GALNT1: variants seen among roughly 807,000 people sequenced by gnomAD.
GALNT1 encodes polypeptide N-acetylgalactosaminyltransferase 1.
In GALNT1, 17 loss-of-function variants were observed where a neutral mutation model predicts 65.7. The observed-to-expected ratio is 0.26, with a 90% CI of 0.18 to 0.39. The LOEUF (loss-of-function observed/expected upper bound fraction) is 0.39. Among genes scored for constraint, GALNT1 ranks in the 10% least tolerant of loss-of-function variants. The pLI is 1.00. For synonymous variants in GALNT1, 210 were observed against 219.7 expected (o/e 0.96, Z 0.39); for missense variants, 460 against 672.8 (o/e 0.68, Z 3.50).
At chr18:35,698,525 T>C (rs2048099914) in intron 9 of GALNT1, among the ~76,000 whole-genome samples, 1 of 152,058 alleles carries the variant, frequency 6.6e-6, no homozygotes, top group Non-Finnish European at 1.5e-5. Flanking sequence ...GTAAATAGAA[T>C]TTAAAGCCTG....
chr18:35,595,193 A>G (rs1048199187), intron 1 of GALNT1, among the ~76,000 whole-genome samples: 2 of 152,218 alleles, frequency 1.3e-5, no homozygotes, highest in African/African-American at 4.8e-5. Context: ...TTAATATATA[A>G]CAAAAAAGTA....
At chr18:35,645,076 A>G (rs968056325) in intron 1 of GALNT1, among the ~76,000 whole-genome samples, 2 of 152,114 alleles carry the variant, frequency 1.3e-5, no homozygotes, top group Non-Finnish European at 2.9e-5. Flanking sequence ...AATTATATTG[A>G]ATTTATAGAT....
chr18:35,581,477 C>G (rs1164875562), upstream of GALNT1, among the ~76,000 whole-genome samples: 1 of 145,748 alleles, frequency 6.9e-6, no homozygotes, highest in Non-Finnish European at 1.5e-5. Context: ...CCGCACGGGC[C>G]GCCGCCGCCG....
Position 35,583,544 on chromosome 18 carries a change from A to G in GALNT1, c.-104+1682A>G, listed in dbSNP as rs546909525. 2.6e-5 allele frequency among the ~76,000 whole-genome samples: 4 copies of G among 152,318 alleles called. No individual in the cohort carries two copies. In the East Asian group the frequency reaches 7.7e-4, roughly 29 times the overall value. ...AGCCATGTATCACTGAAGACTTTACAGTGCCTGGTAAGCAATAAGCACTTG... is the reference window on the plus strand; with the variant it reads ...AGCCATGTATCACTGAAGACTTTACGGTGCCTGGTAAGCAATAAGCACTTG... On this transcript the variant is annotated intron_variant, in intron 1 of 11. Coordinates refer to ENST00000269195, the MANE Select transcript of GALNT1 (RefSeq NM_020474.4).
At chr18:35,652,927 G>A (rs2047329641) in intron 1 of GALNT1, among the ~76,000 whole-genome samples, 1 of 152,208 alleles carries the variant, frequency 6.6e-6, no homozygotes, top group Admixed American at 6.5e-5. Flanking sequence ...AAATTCAGAT[G>A]TTGCACCAGC....
intron 1 of GALNT1, among the ~76,000 whole-genome samples, chr18:35,652,767 C>T (rs577516375): frequency 7.5e-4 from 115 of 152,348 alleles, no homozygotes; most frequent in Middle Eastern, 6.8e-3. Flanking sequence ...CAAACACTCC[C>T]TCTTCACTGC....
At chr18:35,626,293 A>C (rs1323091550) in intron 1 of GALNT1, among the ~76,000 whole-genome samples, 2 of 152,174 alleles carry the variant, frequency 1.3e-5, no homozygotes, top group Non-Finnish European at 2.9e-5. Context: ...CAGACTGCTT[A>C]GTGTAGTGTT....
intron 5 of GALNT1, 44 bp downstream of exon 5, chr18:35,683,642 C>T: frequency 2.0e-6 from 3 of 1,505,334 alleles, no homozygotes; most frequent in Non-Finnish European, 2.7e-6. Context: ...TACATTTGTC[C>T]TAAACTATAT....
chr18:35,629,862 A>G (rs898990714), intron 1 of GALNT1, among the ~76,000 whole-genome samples: 3 of 152,208 alleles, frequency 2.0e-5, no homozygotes, highest in African/African-American at 7.2e-5. Flanking sequence ...ATGGAGGAAG[A>G]TCCACCAAGC....
chr18:35,619,698 CTG>C (rs2046827782), intron 1 of GALNT1, among the ~76,000 whole-genome samples: 1 of 152,198 alleles, frequency 6.6e-6, no homozygotes, highest in South Asian at 2.1e-4. Context: ...AGTGTAGTAA[CTG>C]TCTGCGCTCA....
intron 1 of GALNT1, chr18:35,596,046 TAAGGAAAA>T (rs2046500438): frequency 1.3e-5 from 2 of 152,156 alleles, no homozygotes; most frequent in African/African-American, 4.8e-5. Flanking sequence ...CTGCGAAAAC[TAAGGAAAA>T]CAGCAGAGAG....
intron 1 of GALNT1, among the ~76,000 whole-genome samples, chr18:35,617,966 C>T (rs910700750): frequency 6.6e-6 from 1 of 151,240 alleles, no homozygotes; most frequent in Non-Finnish European, 1.5e-5. Context: ...GATTAGGGTT[C>T]TTTATAATGA....
intron 1 of GALNT1, among the ~76,000 whole-genome samples, chr18:35,622,146 G>A (rs912784738): frequency 6.6e-6 from 1 of 152,068 alleles, no homozygotes; most frequent in African/African-American, 2.4e-5. Context: ...TTAATATAAA[G>A]ATAATTTTTT....
intron 1 of GALNT1, among the ~76,000 whole-genome samples, chr18:35,648,103 G>A (rs1462473992): frequency 7.4e-6 from 1 of 134,718 alleles, no homozygotes; most frequent in African/African-American, 2.7e-5. Flanking sequence ...AGGGAGGGAG[G>A]AAAGGAGGGA....
chr18:35,636,438 G>GA (rs146062356), intron 1 of GALNT1, among the ~76,000 whole-genome samples: 2 of 152,118 alleles, frequency 1.3e-5, no homozygotes, highest in African/African-American at 2.4e-5. Context: ...AACAACTGTA[G>GA]AAAAAACTTA....
chr18:35,656,332 C>CA (rs994833168), intron 2 of GALNT1, among the ~76,000 whole-genome samples: 2 of 151,774 alleles, frequency 1.3e-5, no homozygotes, highest in African/African-American at 4.8e-5. Flanking sequence ...CACAGCTGAA[C>CA]AAAAAAATAA....
chr18:35,619,182 T>C (rs1221174017), intron 1 of GALNT1, among the ~76,000 whole-genome samples: 1 of 152,142 alleles, frequency 6.6e-6, no homozygotes. Flanking sequence ...AACATGCTAA[T>C]ATATGTTTTG....
At chr18:35,612,655 G>C (rs1470855624) in intron 1 of GALNT1, among the ~76,000 whole-genome samples, 1 of 152,170 alleles carries the variant, frequency 6.6e-6, no homozygotes, top group Non-Finnish European at 1.5e-5. Context: ...CCAGATGTCA[G>C]GCATTCAAGA....
intron 11 of GALNT1, among the ~76,000 whole-genome samples, chr18:35,707,745 G>A (rs1050583853): frequency 8.5e-5 from 13 of 152,142 alleles, no homozygotes; most frequent in African/African-American, 2.9e-4. Context: ...TTTGTTTTTA[G>A]TAATAGTGAC....
Sources: gnomAD v4.1 joint callset for allele counts (sites outside exome capture counted in the v4.1 genomes callset) on GRCh38, gnomAD v4.1.1 for gene constraint, MANE v1.5 for transcripts, NCBI Gene and HGNC (gene_info 2026-07-23, HGNC 2026-07-21) for gene names.